Variants in ZNHIT6 observed in about 807,000 individuals in gnomAD.
The protein encoded by ZNHIT6 is box C/D snoRNA protein 1.
In ZNHIT6, 45 loss-of-function variants were observed where a neutral mutation model predicts 57.2. The ratio of observed to expected loss-of-function variants is 0.79; its 90% CI spans 0.62 to 1.01. ZNHIT6 has a LOEUF of 1.01. Ranked by LOEUF, ZNHIT6 falls within the 50% of genes least tolerant of loss-of-function variation. The probability of loss-of-function intolerance (pLI) is 0.00; values close to 1 mark genes in which losing one functional copy is unlikely to be tolerated. For synonymous variants in ZNHIT6, 188 were observed against 190.0 expected, an observed-to-expected ratio of 0.99 and a Z score of 0.09; for missense variants, 528 against 567.3, an observed-to-expected ratio of 0.93 and a Z score of 0.70.
At chr1:85,669,049 G>A (rs1337724898) in intron 8 of ZNHIT6, among the ~76,000 whole-genome samples, 4 of 152,120 alleles carry the variant, frequency 2.6e-5, no homozygotes, top group Admixed American at 2.6e-4. Context: ...AACCCTAAGA[G>A]AGTGGTTTGG....
intron 5 of ZNHIT6, among the ~76,000 whole-genome samples, chr1:85,699,255 A>G (rs1662461271): frequency 6.6e-6 from 1 of 152,096 alleles, no homozygotes. Flanking sequence ...TCATTTTCAT[A>G]TGAACAGCTG....
At chr1:85,687,283 AAAAACAAAAAAAAAAC>A (rs1216499455) in intron 5 of ZNHIT6, among the ~76,000 whole-genome samples, 1 of 127,024 alleles carries the variant, frequency 7.9e-6, no homozygotes, top group South Asian at 2.8e-4. Context: ...GACTATCTCA[AAAAACAAAAAAAAAAC>A]AAAAAAAAAA....
At chr1:85,667,119 A>C (rs1661391039) in intron 8 of ZNHIT6, among the ~76,000 whole-genome samples, 1 of 152,092 alleles carries the variant, frequency 6.6e-6, no homozygotes, top group Non-Finnish European at 1.5e-5. Context: ...ACTATATTGC[A>C]AAGAACATAC....
chr1:85,701,065 A>G (rs1662517318), intron 5 of ZNHIT6, among the ~76,000 whole-genome samples: 2 of 152,210 alleles, frequency 1.3e-5, no homozygotes, highest in African/African-American at 2.4e-5. Context: ...CTTCAGCATT[A>G]CTTTACTTTT....
chr1:85,667,895 CTGCACTCT>C (rs1327846736), intron 8 of ZNHIT6, among the ~76,000 whole-genome samples: 4 of 137,876 alleles, frequency 2.9e-5, no homozygotes, highest in Non-Finnish European at 4.6e-5. Flanking sequence ...AATTGCGCGA[CTGCACTCT>C]AGCCTGGGCA....
At chr1:85,682,492 C>T (rs1661909116) in intron 5 of ZNHIT6, among the ~76,000 whole-genome samples, 1 of 152,152 alleles carries the variant, frequency 6.6e-6, no homozygotes, top group African/African-American at 2.4e-5. Flanking sequence ...CGCCTTTTAA[C>T]ATTTAATACA....
At chr1:85,687,588 T>C (rs897419688) in intron 5 of ZNHIT6, among the ~76,000 whole-genome samples, 1 of 152,140 alleles carries the variant, frequency 6.6e-6, no homozygotes, top group Non-Finnish European at 1.5e-5. Flanking sequence ...ATCCTACTAC[T>C]TAACTCTCCT....
At chr1:85,674,009 G>A (rs1429170598) in intron 8 of ZNHIT6, among the ~76,000 whole-genome samples, 2 of 152,092 alleles carry the variant, frequency 1.3e-5, no homozygotes, top group Non-Finnish European at 2.9e-5. Context: ...ATATAAAGAT[G>A]CCCTATGCCA....
chr1:85,691,138 T>C (rs1456106835), intron 5 of ZNHIT6, among the ~76,000 whole-genome samples: 5 of 152,234 alleles, frequency 3.3e-5, no homozygotes, highest in Admixed American at 2.6e-4. Context: ...ATAAAACTGG[T>C]ACTATTACTG....
intron 8 of ZNHIT6, among the ~76,000 whole-genome samples, chr1:85,672,306 TAC>T (rs1172972087): frequency 6.6e-6 from 1 of 152,206 alleles, no homozygotes; most frequent in Admixed American, 6.5e-5. Flanking sequence ...GCTAGATTTT[TAC>T]AGTTTTCTAC....
rs568114476 is a variant in ZNHIT6, at chr1:85,687,241, C to T, written c.1020-6337G>A. ...GCTGTAGTGAACTGAGATTGTGCCA[C>T]GGCACTCTAGCCTGGGTGACAAGAG... On this transcript the variant is annotated intron_variant, in intron 5 of 9. Coordinates refer to ENST00000370574, the MANE Select transcript of ZNHIT6 (RefSeq NM_017953.4). 1.4e-4 allele frequency among the ~76,000 whole-genome samples: 18 copies of T among 131,358 alleles called. 1 individual carries two copies. Among genetic ancestry groups the T allele is most frequent in the South Asian group, 5.0e-4 (2 of 4,034 alleles). The allele number at this position is 131,358 out of a possible 152,430, so 86.2% of individuals were successfully genotyped here. A position where few individuals can be genotyped will look rare whatever the true frequency, so the allele number is the denominator to read the frequency against.
At position 85,651,620 on chromosome 1, in the gene ZNHIT6, T is replaced by G. The variant is rs1054702830; in HGVS notation, c.*2438A>C. ...ATCCTATATGTATAATTAGCAATTA[T>G]GAAAGGCCTATCTTCTCTTTGAAAT... On this transcript the variant is annotated 3_prime_UTR_variant, in exon 10 of 10. Transcript: ENST00000370574. 6.6e-6 allele frequency: 1 copy of G among 152,232 alleles called. No homozygotes were observed. The highest frequency in any genetic ancestry group is 1.9e-4 in the East Asian group (1 of 5,206). 9.4% of individuals were successfully genotyped at this position (152,232 alleles called of 1,614,324 possible). A position where few individuals can be genotyped will look rare whatever the true frequency, so the allele number is the denominator to read the frequency against.
At chr1:85,691,861 G>C (rs1173919157) in intron 5 of ZNHIT6, among the ~76,000 whole-genome samples, 1 of 151,672 alleles carries the variant, frequency 6.6e-6, no homozygotes, top group Admixed American at 6.6e-5. Flanking sequence ...CTACAGCCTG[G>C]GTGACAGAGT....
intron 9 of ZNHIT6, among the ~76,000 whole-genome samples, chr1:85,654,309 G>A (rs887564728): frequency 2.0e-5 from 3 of 152,152 alleles, no homozygotes; most frequent in African/African-American, 7.2e-5. Context: ...TATTTTGTGA[G>A]GTAACATCCT....
At chr1:85,672,518 T>C (rs924445603) in intron 8 of ZNHIT6, among the ~76,000 whole-genome samples, 1 of 152,194 alleles carries the variant, frequency 6.6e-6, no homozygotes. Context: ...CTCCTAGTCA[T>C]AGGCCATTCA....
intron 8 of ZNHIT6, among the ~76,000 whole-genome samples, chr1:85,676,332 G>A (rs1483757944): frequency 1.6e-5 from 2 of 124,070 alleles, no homozygotes; most frequent in East Asian, 4.6e-4. Flanking sequence ...GTGAAACTCC[G>A]TCTCAAAAAA....
intron 1 of ZNHIT6, 150 bp from the exon 2 acceptor site, chr1:85,706,657 T>C (rs1359728034): frequency 8.7e-6 from 6 of 690,194 alleles, no homozygotes; most frequent in South Asian, 3.8e-5. Context: ...TTCTTCTCTA[T>C]GAAACCTTCC....
intron 8 of ZNHIT6, among the ~76,000 whole-genome samples, chr1:85,671,303 T>C (rs1161195396): frequency 1.3e-5 from 2 of 152,062 alleles, no homozygotes; most frequent in Non-Finnish European, 2.9e-5. Flanking sequence ...CCCAGAAGTA[T>C]AAGAAATTAT....
chr1:85,707,323 A>G (rs1662711783), intron 1 of ZNHIT6, among the ~76,000 whole-genome samples: 1 of 152,188 alleles, frequency 6.6e-6, no homozygotes, highest in Admixed American at 6.5e-5. Context: ...CCGAGTAAAG[A>G]GCATATTAAG....
Sources: allele counts gnomAD v4.1 joint callset (sites outside exome capture counted in the v4.1 genomes callset), GRCh38; gene constraint gnomAD v4.1.1; transcripts MANE v1.5; gene names NCBI Gene and HGNC (gene_info 2026-07-23, HGNC 2026-07-21).